The following SRR variants were observed in gnomAD, a reference collection of about 807,000 sequenced individuals.
SRR encodes the protein D-serine ammonia-lyase.
In SRR, 19 loss-of-function variants were observed where a neutral mutation model predicts 32.7. That is an observed-to-expected ratio of 0.58 (90% confidence interval 0.40 to 0.85). The LOEUF (loss-of-function observed/expected upper bound fraction) is 0.85, where lower values mean the gene tolerates loss of function less well. Ranked by LOEUF, SRR falls within the 40% of genes least tolerant of loss-of-function variation. The probability of loss-of-function intolerance (pLI) is 0.00; values close to 1 mark genes in which losing one functional copy is unlikely to be tolerated. For synonymous variants in SRR, 142 were observed against 140.9 expected, an observed-to-expected ratio of 1.01 and a Z score of -0.06; for missense variants, 373 against 404.7, an observed-to-expected ratio of 0.92 and a Z score of 0.67.
At chr17:2,306,882 G>C (rs189324242) in intron 1 of SRR, 2 of 912,068 alleles carry the variant, frequency 2.2e-6, no homozygotes, top group South Asian at 1.3e-5. Flanking sequence ...GAACACTCGC[G>C]GACTGTGTGG....
At position 2,316,413 on chromosome 17, in the gene SRR, C is replaced by G. The variant is rs1484554015; in HGVS notation, c.168+685C>G. 2.0e-5 allele frequency among the ~76,000 whole-genome samples: 3 copies of G among 152,148 alleles called. No homozygotes were observed. In the East Asian group the frequency reaches 5.8e-4, roughly 29 times the overall value. On this transcript the variant is annotated intron_variant, in intron 2 of 7. Transcript: ENST00000344595. ...ACATGTTTGGGACTGAAAGAAGCAA[C>G]CTGAAATATCTAAACAGACACCTGA...
In SRR at chr17:2,324,672, T is replaced by C. The variant is rs1163629580; in HGVS notation, c.*799T>C. 1.1e-5 allele frequency: 18 copies of C among 1,614,028 alleles called. No homozygotes were observed. The highest frequency in any genetic ancestry group is 1.5e-5 in the Non-Finnish European group (18 of 1,179,988). On this transcript the variant is annotated 3_prime_UTR_variant, in exon 8 of 8. Coordinates refer to ENST00000344595, the MANE Select transcript of SRR (RefSeq NM_021947.3). ...CCACAAAGGCAATCAGATCCCATCC[T>C]CCTCCTTCATACCCACCTCTGTTGA...
At chr17:2,323,580 A>G (rs2151438129) in intron 7 of SRR, 75 bp from the exon 8 acceptor site, 2 of 1,469,196 alleles carry the variant, frequency 1.4e-6, no homozygotes, top group Non-Finnish European at 1.9e-6. Context: ...CTGGACACGT[A>G]TTCTCATCTG....
intron 1 of SRR, among the ~76,000 whole-genome samples, chr17:2,308,048 T>TAA (rs35508897): frequency 7.0e-6 from 1 of 142,142 alleles, no homozygotes; most frequent in African/African-American, 2.6e-5. Context: ...AATGTCTTTT[T>TAA]AAAAAAAAAA....
chr17:2,321,444 T>TTA lies in SRR; in HGVS notation c.519+19_519+20insTA. 6.2e-7 allele frequency: 1 copy of TTA among 1,611,784 alleles called. No individual in the cohort carries two copies. Among genetic ancestry groups the TTA allele is most frequent in the Non-Finnish European group, 8.5e-7 (1 of 1,178,694 alleles). ...GAACCAGGTAAAATAGCTGAGTTCT[T>TTA]CCTGTTTAGCTACTGGTAAAGCTGT... On this transcript the variant is annotated intron_variant, in intron 5 of 7. Coordinates refer to ENST00000344595, the MANE Select transcript of SRR (RefSeq NM_021947.3).
At chr17:2,316,322 A>T (rs758248890) in intron 2 of SRR, among the ~76,000 whole-genome samples, 25 of 152,216 alleles carry the variant, frequency 1.6e-4, no homozygotes, top group Admixed American at 7.2e-4. Context: ...TAAGCAAAGC[A>T]TGACTTTATT....
chr17:2,315,544 T>A lies in SRR; in HGVS notation c.-4-13T>A. Reference sequence around the variant, plus strand: ...GACTTTGCTTTGACCCCTTTCTTATTCCTGGGTTTCAGAACCATGTGTGCT... The same window carrying A: ...GACTTTGCTTTGACCCCTTTCTTATACCTGGGTTTCAGAACCATGTGTGCT... On this transcript the variant is annotated splice_polypyrimidine_tract_variant and intron_variant, in intron 1 of 7. Coordinates refer to ENST00000344595, the MANE Select transcript of SRR (RefSeq NM_021947.3). The A allele has an allele frequency of 6.2e-7, 1 of 1,601,668 alleles. No individual in the cohort carries two copies. Among genetic ancestry groups the A allele is most frequent in the Non-Finnish European group, 8.5e-7 (1 of 1,175,154 alleles).
chr17:2,310,998 A>G (rs952305566), intron 1 of SRR, among the ~76,000 whole-genome samples: 5 of 151,816 alleles, frequency 3.3e-5, no homozygotes, highest in Non-Finnish European at 7.4e-5. Context: ...TTCCCACCTC[A>G]GCCTCCCAAA....
chr17:2,313,431 A>C (rs1486490971), intron 1 of SRR, among the ~76,000 whole-genome samples: 1 of 147,778 alleles, frequency 6.8e-6, no homozygotes, highest in Non-Finnish European at 1.5e-5. Flanking sequence ...TCTCTCAAAA[A>C]AAAAAAAAAA....
chr17:2,320,568 T>C (rs2075519696), intron 4 of SRR, among the ~76,000 whole-genome samples: 1 of 151,098 alleles, frequency 6.6e-6, no homozygotes, highest in Non-Finnish European at 1.5e-5. Context: ...ATCTTCTTTT[T>C]ATTTATTTTG....
chr17:2,307,973 A>AT (rs1244338236), intron 1 of SRR, among the ~76,000 whole-genome samples: 1,627 of 141,916 alleles, frequency 0.011, 24 homozygotes, highest in African/African-American at 0.038. Flanking sequence ...GTTTTAATGT[A>AT]TTTTTTTTTT....
intron 4 of SRR, among the ~76,000 whole-genome samples, chr17:2,320,444 C>A (rs1473403129): frequency 6.6e-6 from 1 of 150,730 alleles, no homozygotes; most frequent in Non-Finnish European, 1.5e-5. Context: ...TTAGTACAGA[C>A]AGGGTTTCAC....
chr17:2,321,605 ATTACAG>A lies in SRR; in HGVS notation c.587_592del (p.Thr196_Val197del). ...AGGAGGAATGCTTGCTGGAATAGCA[ATTACAG>A]TTAAGGTGAGCAGCTTCTGGAGGAT... is the stretch of plus-strand genomic sequence containing the variant. On this transcript the variant is annotated inframe_deletion, in exon 6 of 8. Transcript: ENST00000344595. 6.2e-7 allele frequency: 1 copy of A among 1,613,954 alleles called. No individual in the cohort carries two copies. Among genetic ancestry groups the A allele is most frequent in the Non-Finnish European group, 8.5e-7 (1 of 1,179,968 alleles).
chr17:2,307,264 A>G (rs570751090), intron 1 of SRR: 248 of 1,168,270 alleles, frequency 2.1e-4, no homozygotes, highest in South Asian at 6.0e-4. Flanking sequence ...GAAATACCAT[A>G]CTGTGAATGG....
At chr17:2,308,684 G>A (rs1284704130) in intron 1 of SRR, among the ~76,000 whole-genome samples, 1 of 152,126 alleles carries the variant, frequency 6.6e-6, no homozygotes, top group Non-Finnish European at 1.5e-5. Flanking sequence ...AGCTGGGCAT[G>A]GTGGCACGCT....
rs942118631 is a variant in SRR at position 2,325,230 on chromosome 17, T to C, written c.*1357T>C. On this transcript the variant is annotated 3_prime_UTR_variant, in exon 8 of 8. Transcript: ENST00000344595. ...CTCCATACCATTTGGCTCCCAAATTTAAATAAACAAGAGAAAACGGTGTTC... is the reference window on the plus strand; with the variant it reads ...CTCCATACCATTTGGCTCCCAAATTCAAATAAACAAGAGAAAACGGTGTTC... 8.7e-7 allele frequency: 1 copy of C among 1,144,534 alleles called. No individual in the cohort carries two copies. Among genetic ancestry groups the C allele is most frequent in the African/African-American group, 1.5e-5 (1 of 64,522 alleles). The allele number at this position is 1,144,534 out of a possible 1,614,324, so 70.9% of individuals were successfully genotyped here. A position where few individuals can be genotyped will look rare whatever the true frequency, so the allele number is the denominator to read the frequency against.
In SRR at chr17:2,318,848, G is replaced by GC; in HGVS notation, c.322dup (p.Gln108ProfsTer7). 1 of 1,613,368 alleles carries GC rather than the reference G, an allele frequency of 6.2e-7. No homozygotes were observed. On this transcript the variant is annotated frameshift_variant, in exon 4 of 8. Coordinates refer to ENST00000344595, the MANE Select transcript of SRR (RefSeq NM_021947.3). LOFTEE classifies it high-confidence loss of function. Reference sequence around the variant, plus strand: ...CAGGAATTCCTGCTTATATTGTGGTGCCCCAGACAGCTCCAGACTGTAAAA... The same window carrying GC: ...CAGGAATTCCTGCTTATATTGTGGTGCCCCCAGACAGCTCCAGACTGTAAAA...
chr17:2,303,749 G>A (rs1368412483), upstream of SRR: 6 of 1,479,314 alleles, frequency 4.1e-6, no homozygotes, highest in Admixed American at 2.3e-5. Context: ...AGCCGTAGCG[G>A]CTCCGCCACC....
chr17:2,303,852 G>C, upstream of SRR: 1 of 639,928 alleles, frequency 1.6e-6, no homozygotes. Flanking sequence ...CTCCCTTTCC[G>C]AACGACGGTG....
Sources: gnomAD v4.1 joint callset for allele counts (sites outside exome capture counted in the v4.1 genomes callset) on GRCh38, gnomAD v4.1.1 for gene constraint, MANE v1.5 for transcripts, NCBI Gene and HGNC (gene_info 2026-07-23, HGNC 2026-07-21) for gene names.